The following LRRTM4 variants were observed in gnomAD, a reference collection of about 807,000 sequenced individuals.
The protein encoded by LRRTM4 is leucine rich repeat transmembrane neuronal 4, also known as leucine-rich repeat transmembrane neuronal protein 4.
In LRRTM4, 25 loss-of-function variants were observed where a neutral mutation model predicts 47.6. The observed-to-expected ratio is 0.53, with a 90% CI of 0.38 to 0.73. The LOEUF (loss-of-function observed/expected upper bound fraction) is 0.73. Ranked by LOEUF, LRRTM4 falls within the 30% of genes least tolerant of loss-of-function variation. LRRTM4 has a pLI of 0.00. For missense variants in LRRTM4, 638 were observed against 713.4 expected (o/e 0.89, Z 1.20); for synonymous variants, 311 against 269.5 (o/e 1.15, Z -1.51).
At chr2:77,367,320 A>G (rs527980766) in intron 3 of LRRTM4, among the ~76,000 whole-genome samples, 68 of 151,838 alleles carry the variant, frequency 4.5e-4, no homozygotes, top group African/African-American at 1.5e-3. Flanking sequence ...AATAAGCTAC[A>G]TGAAAGCAGG....
chr2:77,058,027 T>C (rs1273885698), intron 3 of LRRTM4, among the ~76,000 whole-genome samples: 1 of 152,188 alleles, frequency 6.6e-6, no homozygotes, highest in Non-Finnish European at 1.5e-5. Context: ...TGTCAATATT[T>C]TGTCAATATT....
intron 3 of LRRTM4, among the ~76,000 whole-genome samples, chr2:76,915,579 C>G (rs867278332): frequency 1.6e-4 from 24 of 152,080 alleles, no homozygotes; most frequent in African/African-American, 5.1e-4. Context: ...TTAAGTAAAT[C>G]TGAATGTTTT....
At chr2:76,769,501 C>T (rs1182930908) in intron 3 of LRRTM4, among the ~76,000 whole-genome samples, 1 of 151,184 alleles carries the variant, frequency 6.6e-6, no homozygotes. Context: ...TGAGACGTCT[C>T]TAAATAAAAG....
chr2:77,377,704 A>T (rs960868445), intron 3 of LRRTM4, among the ~76,000 whole-genome samples: 8 of 152,060 alleles, frequency 5.3e-5, no homozygotes, highest in Non-Finnish European at 1.2e-4. Flanking sequence ...AATATTATAA[A>T]ATCCTTTTCT....
intron 3 of LRRTM4, among the ~76,000 whole-genome samples, chr2:77,403,647 C>A (rs2103841646): frequency 6.6e-6 from 1 of 151,870 alleles, no homozygotes; most frequent in South Asian, 2.1e-4. Context: ...TGTGATGTGG[C>A]AGGTCTTAGC....
At chr2:77,087,238 G>C (rs1200848145) in intron 3 of LRRTM4, among the ~76,000 whole-genome samples, 1 of 152,244 alleles carries the variant, frequency 6.6e-6, no homozygotes, top group Non-Finnish European at 1.5e-5. Context: ...ATTCTGAAAG[G>C]CCTATTTCCT....
chr2:77,165,165 T>C (rs1409283773), intron 3 of LRRTM4, among the ~76,000 whole-genome samples: 1 of 152,042 alleles, frequency 6.6e-6, no homozygotes, highest in Non-Finnish European at 1.5e-5. Flanking sequence ...AGAAATACTA[T>C]CAGAGAATAC....
intron 3 of LRRTM4, among the ~76,000 whole-genome samples, chr2:77,360,437 G>A (rs767502406): frequency 6.6e-6 from 1 of 151,686 alleles, no homozygotes; most frequent in Non-Finnish European, 1.5e-5. Flanking sequence ...TAGCCTGGGC[G>A]GCAGAGCGAG....
intron 3 of LRRTM4, among the ~76,000 whole-genome samples, chr2:76,754,632 C>T (rs192080510): frequency 1.3e-5 from 2 of 152,150 alleles, no homozygotes; most frequent in Non-Finnish European, 2.9e-5. Flanking sequence ...ACGTATTCCA[C>T]TTATGGTAGA....
chr2:76,796,249 C>T (rs1449858618), intron 3 of LRRTM4, among the ~76,000 whole-genome samples: 2 of 132,226 alleles, frequency 1.5e-5, no homozygotes, highest in Admixed American at 7.5e-5. Flanking sequence ...GAGGGGTGCC[C>T]GCCATTGAAC....
At chr2:77,072,495 G>A (rs1046396720) in intron 3 of LRRTM4, among the ~76,000 whole-genome samples, 20 of 151,922 alleles carry the variant, frequency 1.3e-4, no homozygotes, top group Non-Finnish European at 2.4e-4. Flanking sequence ...ACAATCCTGG[G>A]TCACCCAAGA....
chr2:77,267,415 G>A (rs374466410), intron 3 of LRRTM4, among the ~76,000 whole-genome samples: 345 of 152,246 alleles, frequency 2.3e-3, no homozygotes, highest in African/African-American at 8.1e-3. Flanking sequence ...CTTGAATACT[G>A]CATCCTCTGG....
At chr2:76,812,306 G>T (rs569448977) in intron 3 of LRRTM4, among the ~76,000 whole-genome samples, 1 of 152,200 alleles carries the variant, frequency 6.6e-6, no homozygotes, top group East Asian at 1.9e-4. Context: ...GTATATGCCT[G>T]GCACTATAGA....
At chr2:76,788,550 C>T (rs2104192097) in intron 3 of LRRTM4, among the ~76,000 whole-genome samples, 1 of 152,118 alleles carries the variant, frequency 6.6e-6, no homozygotes, top group South Asian at 2.1e-4. Context: ...TAATGATAGC[C>T]AAGGAAAAAT....
At chr2:76,843,908 C>CTTTTTT (rs538704879) in intron 3 of LRRTM4, among the ~76,000 whole-genome samples, 6 of 145,372 alleles carry the variant, frequency 4.1e-5, no homozygotes, top group East Asian at 2.1e-4. Context: ...TTTCTTTTTT[C>CTTTTTT]ATTTTTTTTT....
chr2:76,962,209 T>C (rs1675883028), intron 3 of LRRTM4, among the ~76,000 whole-genome samples: 1 of 151,312 alleles, frequency 6.6e-6, no homozygotes, highest in Admixed American at 6.6e-5. Context: ...ACTTAAGTAA[T>C]TTGAAAGATA....
chr2:77,521,488 A>C (rs1679496397), intron 2 of LRRTM4, among the ~76,000 whole-genome samples, 180 bp downstream of exon 2: 1 of 150,280 alleles, frequency 6.7e-6, no homozygotes, highest in Non-Finnish European at 1.5e-5. Flanking sequence ...TAAAAAAAAA[A>C]CACTGCAAAA....
chr2:77,264,594 C>T (rs185327816), intron 3 of LRRTM4, among the ~76,000 whole-genome samples: 1 of 152,146 alleles, frequency 6.6e-6, no homozygotes, highest in East Asian at 1.9e-4. Context: ...TGTTAAATAC[C>T]TCATTCAGTA....
chr2:77,219,460 A>G (rs1034957403), intron 3 of LRRTM4, among the ~76,000 whole-genome samples: 1 of 152,170 alleles, frequency 6.6e-6, no homozygotes, highest in Non-Finnish European at 1.5e-5. Context: ...GGAAACATAC[A>G]GGAAAAAAAA....
Sources: allele counts gnomAD v4.1 joint callset (sites outside exome capture counted in the v4.1 genomes callset), GRCh38; gene constraint gnomAD v4.1.1; transcripts MANE v1.5; gene names NCBI Gene and HGNC (gene_info 2026-07-23, HGNC 2026-07-21).